The following PPP1R2 variants were observed in gnomAD, a reference collection of about 807,000 sequenced individuals.
The protein encoded by PPP1R2 is protein phosphatase 1 regulatory inhibitor subunit 2.
In PPP1R2, 16 loss-of-function variants were observed where a neutral mutation model predicts 29.9. The ratio of observed to expected loss-of-function variants is 0.53; its 90% CI spans 0.36 to 0.81. The LOEUF (loss-of-function observed/expected upper bound fraction) is 0.81, where lower values mean the gene tolerates loss of function less well. Among genes scored for constraint, PPP1R2 ranks in the 30% least tolerant of loss-of-function variants. PPP1R2 has a pLI of 0.00. For missense variants in PPP1R2, 197 were observed against 252.7 expected, an observed-to-expected ratio of 0.78 and a Z score of 1.49; for synonymous variants, 76 against 91.5, an observed-to-expected ratio of 0.83 and a Z score of 0.96.
At chr3:195,531,764 A>G (rs997666463) in intron 1 of PPP1R2, among the ~76,000 whole-genome samples, 3 of 152,208 alleles carry the variant, frequency 2.0e-5, no homozygotes, top group African/African-American at 7.2e-5. Context: ...TATGGCATTA[A>G]GAACATCACA....
At chr3:195,523,818 A>T in intron 3 of PPP1R2, 32 bp from the exon 4 acceptor site, 1 of 1,565,804 alleles carries the variant, frequency 6.4e-7, no homozygotes, top group Non-Finnish European at 8.8e-7. Context: ...AGAAATTAAC[A>T]GTGATGTTTT....
chr3:195,529,570 A>T, intron 2 of PPP1R2: 1 of 368,458 alleles, frequency 2.7e-6, no homozygotes, highest in Non-Finnish European at 4.8e-6. Context: ...CAACAAATAA[A>T]CATTTACTAC....
At chr3:195,518,449 G>A (rs549480827) in intron 5 of PPP1R2, among the ~76,000 whole-genome samples, 49 of 151,974 alleles carry the variant, frequency 3.2e-4, no homozygotes, top group Middle Eastern at 3.4e-3. Context: ...CAGGAGATTG[G>A]GACCATCCTG....
In PPP1R2 at chr3:195,542,952, A is replaced by G. The variant is rs998338908; in HGVS notation, c.74T>C (p.Met25Thr). The change falls in exon 1 of 6, where the codon ATG becomes ACG. Residue 25 changes from methionine (M) to threonine (T), a missense_variant. Around this residue, in one of 3 missense-constraint regions of PPP1R2, gnomAD observed 54 missense variants for 60.6 expected, o/e 0.89. Transcript: ENST00000618156. ...GCGGGGCTGTTCGGCCGACGCCACC[A>G]TAGAGGAAGTCGTAGAGGTCTTGTT... ...LKNKTSTTSS[M>T]VASAEQPRGN... 84 of 1,603,874 alleles carry G rather than the reference A, an allele frequency of 5.2e-5. No individual in the cohort carries two copies. The highest frequency in any genetic ancestry group is 6.7e-5 in the Non-Finnish European group (79 of 1,175,222).
In PPP1R2 at chr3:195,518,804, A is replaced by AAAACATAT. The variant is rs369916719; in HGVS notation, c.571+206_571+213dup. On this transcript the variant is annotated intron_variant, in intron 5 of 5. Transcript: ENST00000618156. Reference sequence around the variant, plus strand: ...GTAAACCATAAGAAAGCCATATAATAAAACATATGGTCTAAAATCAAATCA... The same window carrying AAAACATAT: ...GTAAACCATAAGAAAGCCATATAATAAAACATATAAACATATGGTCTAAAATCAAATCA... Among the ~76,000 whole-genome samples, 1,095 of 152,330 alleles carry AAAACATAT rather than the reference A, an allele frequency of 7.2e-3. 7 individuals carry two copies. Among genetic ancestry groups the AAAACATAT allele is most frequent in the African/African-American group, 0.024 (1,011 of 41,550 alleles).
intron 1 of PPP1R2, among the ~76,000 whole-genome samples, chr3:195,536,473 T>C (rs1416233864): frequency 6.6e-6 from 1 of 152,006 alleles, no homozygotes; most frequent in African/African-American, 2.4e-5. Context: ...TAATGTTGTT[T>C]GGGGGTGCCT....
At chr3:195,523,011 T>C (rs558763542) in intron 4 of PPP1R2, 3 of 152,342 alleles carry the variant, frequency 2.0e-5, no homozygotes, top group Non-Finnish European at 2.9e-5. Flanking sequence ...CTGAGAAGAT[T>C]ATATATTCAC....
At position 195,516,878 on chromosome 3, in the gene PPP1R2, G is replaced by A; in HGVS notation, c.*18C>T. On this transcript the variant is annotated 3_prime_UTR_variant, in exon 6 of 6. Transcript: ENST00000618156. The stretch of plus-strand genomic sequence containing the variant: ...GGTTTACATCTAACAAACAATTGCA[G>A]TGTTGAACAAATCTCGTCTATGAAC... The A allele has an allele frequency of 6.2e-7, 1 of 1,604,964 alleles. No individual in the cohort carries two copies. The highest frequency in any genetic ancestry group is 1.1e-5 in the South Asian group (1 of 90,882).
chr3:195,535,478 T>G (rs1247582382), intron 1 of PPP1R2, among the ~76,000 whole-genome samples: 1 of 152,228 alleles, frequency 6.6e-6, no homozygotes, highest in African/African-American at 2.4e-5. Context: ...ATGTTACGCA[T>G]GACTTCACGG....
rs567705793 is a variant in PPP1R2 at position 195,537,177 on chromosome 3, TAA to T, written c.122+5725_122+5726del. 5.4e-3 allele frequency among the ~76,000 whole-genome samples: 787 copies of T among 146,374 alleles called. 5 individuals are homozygous for T. Among genetic ancestry groups the T allele is most frequent in the African/African-American group, 0.019 (748 of 39,402 alleles). ...TATATACAATACATATGCTGATATATAAGTTTTAAGTATATGTAGTATAAGTT... is the reference window on the plus strand; with the variant it reads ...TATATACAATACATATGCTGATATATGTTTTAAGTATATGTAGTATAAGTT... On this transcript the variant is annotated intron_variant, in intron 1 of 5. Coordinates refer to ENST00000618156, the MANE Select transcript of PPP1R2 (RefSeq NM_006241.8).
chr3:195,526,328 G>A (rs972302861), intron 2 of PPP1R2, among the ~76,000 whole-genome samples: 17 of 151,876 alleles, frequency 1.1e-4, no homozygotes, highest in African/African-American at 4.1e-4. Context: ...CAATTCCTGA[G>A]CTCAAGCAAT....
At chr3:195,541,779 G>A (rs1020947950) in intron 1 of PPP1R2, among the ~76,000 whole-genome samples, 14 of 152,178 alleles carry the variant, frequency 9.2e-5, no homozygotes, top group Admixed American at 8.5e-4. Flanking sequence ...ATGAGCGTGG[G>A]AGTTGCTAGA....
intron 1 of PPP1R2, among the ~76,000 whole-genome samples, chr3:195,538,751 G>GA (rs1401163437): frequency 1.3e-5 from 2 of 152,036 alleles, no homozygotes; most frequent in African/African-American, 4.8e-5. Flanking sequence ...CTGAGATATG[G>GA]AAAAAATGAA....
chr3:195,539,952 A>G (rs1247165661), intron 1 of PPP1R2, among the ~76,000 whole-genome samples: 3 of 152,216 alleles, frequency 2.0e-5, no homozygotes, highest in Non-Finnish European at 4.4e-5. Context: ...TTTGAATTCT[A>G]TTTTTAAAAA....
intron 1 of PPP1R2, among the ~76,000 whole-genome samples, chr3:195,539,822 G>A (rs1188671154): frequency 6.6e-6 from 1 of 152,190 alleles, no homozygotes; most frequent in East Asian, 1.9e-4. Flanking sequence ...AAATAGAAAT[G>A]CTAGACTATC....
intron 5 of PPP1R2, among the ~76,000 whole-genome samples, chr3:195,517,849 T>G (rs78760832): frequency 0.052 from 7,952 of 152,218 alleles, 301 homozygotes; most frequent in South Asian, 0.17. Flanking sequence ...AAAGGCTATA[T>G]GAAATAGACT....
chr3:195,519,201 T>G lies in PPP1R2; in HGVS notation c.404-16A>C, dbSNP rs997410360. On this transcript the variant is annotated splice_polypyrimidine_tract_variant and intron_variant, in intron 4 of 5. Coordinates refer to ENST00000618156, the MANE Select transcript of PPP1R2 (RefSeq NM_006241.8). ...CGCTTTTTTTCTATAAGATGCAAAA[T>G]GTAAACTTAGGAAGTTTGAGCTCAA... 1 of 1,575,626 alleles carries G rather than the reference T, an allele frequency of 6.3e-7. No homozygotes were observed. Among genetic ancestry groups the G allele is most frequent in the Non-Finnish European group, 8.6e-7 (1 of 1,159,254 alleles).
chr3:195,521,314 CAAAAAA>C (rs869228346), intron 4 of PPP1R2, among the ~76,000 whole-genome samples: 2 of 56,660 alleles, frequency 3.5e-5, no homozygotes, highest in African/African-American at 6.8e-5. Flanking sequence ...GACTCTGTCT[CAAAAAA>C]AAAAAAAAAA....
rs950491824 is a variant in PPP1R2, at chr3:195,523,904, C to A, written c.309-118G>T. The A allele has an allele frequency of 9.4e-6, 8 of 852,198 alleles. No homozygotes were observed. The East Asian group carries it at 1.9e-4, about 20-fold the overall frequency. 52.8% of individuals were successfully genotyped at this position (852,198 alleles called of 1,614,324 possible). On this transcript the variant is annotated intron_variant, in intron 3 of 5. Coordinates refer to ENST00000618156, the MANE Select transcript of PPP1R2 (RefSeq NM_006241.8). ...AAGATCATTAATGTGCTAGCTATAA[C>A]CTGATGAGGAAAATAAAAGGCAAGA...
Sources: gnomAD v4.1 joint callset for allele counts (sites outside exome capture counted in the v4.1 genomes callset) on GRCh38, gnomAD v4.1.1 for gene constraint, gnomAD v4.1.1 regional missense constraint, MANE v1.5 for transcripts, NCBI Gene and HGNC (gene_info 2026-07-23, HGNC 2026-07-21) for gene names.